Variants in TATDN1 observed in about 807,000 individuals in gnomAD.
The protein encoded by TATDN1 is deoxyribonuclease TATDN1.
A neutral mutation model predicts 46.4 loss-of-function variants in TATDN1; 40 were observed. That is an observed-to-expected ratio of 0.86 (90% CI 0.67 to 1.12). The LOEUF (loss-of-function observed/expected upper bound fraction) is 1.12. Ranked by LOEUF, TATDN1 falls within the 50% of genes most tolerant of loss-of-function variation. The pLI is 0.00. For synonymous variants in TATDN1, 95 were observed against 105.6 expected (o/e 0.90, Z 0.62); for missense variants, 326 against 348.4 (o/e 0.94, Z 0.51).
In TATDN1 at chr8:124,493,987, A is replaced by G. The variant is rs754115830; in HGVS notation, c.665-28T>C. The stretch of plus-strand genomic sequence containing the variant: ...AGTTAAGCAAAGAAAGTGTCTCGTA[A>G]GGGGTTTACATTTTTAAAAATTTTT... On this transcript the variant is annotated intron_variant, in intron 10 of 11. Coordinates refer to ENST00000276692, the MANE Select transcript of TATDN1 (RefSeq NM_032026.4). 1.9e-6 allele frequency: 3 copies of G among 1,568,228 alleles called. No individual in the cohort carries two copies. In the African/African-American group the frequency reaches 4.1e-5, roughly 22 times the overall value.
chr8:124,518,838 A>G lies in TATDN1; in HGVS notation c.182T>C (p.Leu61Pro). 1 of 1,611,774 alleles carries G rather than the reference A, an allele frequency of 6.2e-7. No individual in the cohort carries two copies. Among genetic ancestry groups the G allele is most frequent in the Non-Finnish European group, 8.5e-7 (1 of 1,178,378 alleles). ...GATACCATTTGTTTGTGCCAAATGCAGTGCATCTTTACTGTCTTGTAGATT... is the reference window on the plus strand; with the variant it reads ...GATACCATTTGTTTGTGCCAAATGCGGTGCATCTTTACTGTCTTGTAGATT... ...GGNLQDSKDA[L>P]HLAQTNGMFF... The change falls in exon 4 of 12, where the codon CTG becomes CCG. Residue 61 changes from leucine (L) to proline (P), a missense_variant. By Grantham distance (98) the Leu-to-Pro change is moderately conservative (BLOSUM62 -3). Coordinates refer to ENST00000276692, the MANE Select transcript of TATDN1 (RefSeq NM_032026.4).
chr8:124,507,805 AAC>A (rs1818637390), intron 8 of TATDN1, among the ~76,000 whole-genome samples: 1 of 151,832 alleles, frequency 6.6e-6, no homozygotes, highest in Non-Finnish European at 1.5e-5. Context: ...AAAAACAAAA[AAC>A]ACACACAAAA....
intron 11 of TATDN1, chr8:124,491,743 G>A (rs1366866145): frequency 6.6e-6 from 1 of 152,148 alleles, no homozygotes; most frequent in Non-Finnish European, 1.5e-5. Context: ...TGCAAACAAT[G>A]TATATCTAAA....
chr8:124,524,589 C>T (rs539904103), intron 1 of TATDN1, among the ~76,000 whole-genome samples: 3 of 152,262 alleles, frequency 2.0e-5, no homozygotes, highest in Middle Eastern at 3.4e-3. Flanking sequence ...TGTATCTCTT[C>T]TAGACCATTT....
chr8:124,530,119 C>T (rs1820835177), intron 1 of TATDN1, among the ~76,000 whole-genome samples: 1 of 151,536 alleles, frequency 6.6e-6, no homozygotes, highest in Non-Finnish European at 1.5e-5. Flanking sequence ...ACCCAAAGAA[C>T]AACAACAACA....
chr8:124,507,761 G>A lies in TATDN1; in HGVS notation c.516+713C>T, dbSNP rs1818615916. 2.0e-5 allele frequency among the ~76,000 whole-genome samples: 3 copies of A among 147,290 alleles called. No individual in the cohort carries two copies. In the South Asian group the frequency reaches 6.4e-4, roughly 32 times the overall value. The stretch of plus-strand genomic sequence containing the variant: ...CCACTGCACTTCAGCCTGGATGACA[G>A]AGCCAGACCCTTTCTTAATAACCAA... On this transcript the variant is annotated intron_variant, in intron 8 of 11. Transcript: ENST00000276692.
intron 1 of TATDN1, among the ~76,000 whole-genome samples, chr8:124,527,349 T>C (rs565075566): frequency 3.3e-5 from 5 of 152,250 alleles, no homozygotes; most frequent in African/African-American, 1.2e-4. Context: ...CCAGAACTAG[T>C]CTGTGACTGG....
intron 11 of TATDN1, 155 bp from the exon 12 acceptor site, chr8:124,488,851 AACTT>A (rs1160589683): frequency 1.7e-6 from 1 of 604,346 alleles, no homozygotes; most frequent in Non-Finnish European, 2.9e-6. Context: ...TCAATAGAAA[AACTT>A]ACTGCCAGTA....
Position 124,508,599 on chromosome 8 carries a change from T to C in TATDN1, c.475+4A>G. The stretch of plus-strand genomic sequence containing the variant: ...TTCTGAATGAGACTTTGGTTTTAAC[T>C]CACCCAAAAATTCAGCATGTGAGTT... On this transcript the variant is annotated splice_donor_region_variant and intron_variant, in intron 7 of 11. Coordinates refer to ENST00000276692, the MANE Select transcript of TATDN1 (RefSeq NM_032026.4). The C allele has an allele frequency of 6.2e-7, 1 of 1,606,906 alleles. No homozygotes were observed. The highest frequency in any genetic ancestry group is 8.5e-7 in the Non-Finnish European group (1 of 1,176,934).
intron 8 of TATDN1, among the ~76,000 whole-genome samples, chr8:124,507,793 A>C (rs535790943): frequency 6.6e-5 from 10 of 151,998 alleles, no homozygotes; most frequent in South Asian, 4.2e-4. Flanking sequence ...CCAAAAAAAA[A>C]AAAAAACAAA....
At chr8:124,518,177 A>T (rs1174212150) in intron 4 of TATDN1, among the ~76,000 whole-genome samples, 3 of 125,366 alleles carry the variant, frequency 2.4e-5, no homozygotes, top group Non-Finnish European at 4.8e-5. Context: ...GCGCCACTGC[A>T]CTCTAGCCTG....
intron 6 of TATDN1, among the ~76,000 whole-genome samples, chr8:124,511,451 C>G (rs1476803580): frequency 6.6e-6 from 1 of 152,094 alleles, no homozygotes; most frequent in Admixed American, 6.6e-5. Flanking sequence ...TTTTTAAGAC[C>G]TGCACAGTGT....
chr8:124,518,930 AAC>A (rs1207760927), intron 3 of TATDN1, 49 bp from the exon 4 acceptor site: 19 of 1,262,962 alleles, frequency 1.5e-5, no homozygotes, highest in Admixed American at 5.5e-5. Flanking sequence ...GGGCAGCAAT[AAC>A]AGTTTCCTAA....
chr8:124,500,724 T>A (rs1817886424), intron 9 of TATDN1, among the ~76,000 whole-genome samples: 1 of 146,062 alleles, frequency 6.8e-6, no homozygotes, highest in Admixed American at 6.8e-5. Flanking sequence ...TTTAAGTTGG[T>A]AAAATAAAGA....
chr8:124,522,221 A>C (rs1364457332), intron 2 of TATDN1, 21 bp from the exon 3 acceptor site: 2 of 1,539,522 alleles, frequency 1.3e-6, no homozygotes, highest in South Asian at 2.5e-5. Context: ...TAAACTCTGT[A>C]TTATGAAAAC....
At chr8:124,497,847 TCTA>T (rs923540021) in intron 9 of TATDN1, among the ~76,000 whole-genome samples, 5 of 152,228 alleles carry the variant, frequency 3.3e-5, no homozygotes, top group African/African-American at 1.2e-4. Flanking sequence ...ATTCTCTATG[TCTA>T]CTACTTGATT....
At chr8:124,507,236 A>T (rs1818539395) in intron 8 of TATDN1, among the ~76,000 whole-genome samples, 1 of 152,210 alleles carries the variant, frequency 6.6e-6, no homozygotes, top group East Asian at 1.9e-4. Flanking sequence ...ATGTCTCCAG[A>T]ATAATGACTA....
chr8:124,513,076 G>A lies in TATDN1; in HGVS notation c.389+2670C>T, dbSNP rs190621906. ...ATTACAGGTGCTCGCCACCACGCCTGGCTAGTTTTTGTTTTTAGTAGAGAC... is the reference window on the plus strand; with the variant it reads ...ATTACAGGTGCTCGCCACCACGCCTAGCTAGTTTTTGTTTTTAGTAGAGAC... On this transcript the variant is annotated intron_variant, in intron 6 of 11. Transcript: ENST00000276692. 1.3e-3 allele frequency among the ~76,000 whole-genome samples: 193 copies of A among 152,136 alleles called. No individual in the cohort carries two copies. The Middle Eastern group carries it at 0.027, about 21-fold the overall frequency.
chr8:124,516,304 A>C (rs975166235), intron 4 of TATDN1, among the ~76,000 whole-genome samples: 4 of 151,740 alleles, frequency 2.6e-5, no homozygotes, highest in South Asian at 4.2e-4. Context: ...TGCAAAGTGA[A>C]ATTTTTTTTT....
Sources: allele counts gnomAD v4.1 joint callset (sites outside exome capture counted in the v4.1 genomes callset), GRCh38; gene constraint gnomAD v4.1.1; transcripts MANE v1.5; gene names NCBI Gene and HGNC (gene_info 2026-07-23, HGNC 2026-07-21).